Variants in PCDHB12 observed in about 807,000 individuals in gnomAD.
PCDHB12 encodes protocadherin beta-12.
For synonymous variants in PCDHB12, 560 were observed against 445.2 expected (o/e 1.26, Z -3.24); for missense variants, 1,192 against 998.2 (o/e 1.19, Z -2.62).
At position 141,210,609 on chromosome 5, in the gene PCDHB12, G is replaced by C; in HGVS notation, c.1702G>C (p.Gly568Arg). The C allele has an allele frequency of 1.2e-6, 2 of 1,611,100 alleles. No homozygotes were observed. Among genetic ancestry groups the C allele is most frequent in the Non-Finnish European group, 8.5e-7 (1 of 1,179,582 alleles). The change falls in exon 1 of 1, where the codon GGC becomes CGC. Residue 568 changes from glycine (G) to arginine (R), a missense_variant. Transcript: ENST00000239450. ...SPFVLYPLQNGSAPCTELVPW... is the reference protein window; with the variant it reads ...SPFVLYPLQNRSAPCTELVPW... ...CTTCGTGCTGTACCCGCTGCAGAAC[G>C]GCTCCGCGCCCTGCACCGAGCTGGT... is the stretch of plus-strand genomic sequence containing the variant.
rs1754397129 is a variant in PCDHB12 at position 141,209,919 on chromosome 5, A to T, written c.1012A>T (p.Met338Leu). 1 of 1,614,082 alleles carries T rather than the reference A, an allele frequency of 6.2e-7. No homozygotes were observed. Among genetic ancestry groups the T allele is most frequent in the Non-Finnish European group, 8.5e-7 (1 of 1,180,028 alleles). ...AAAATCTACAGTCAGAATTCAGGTG[A>T]TGGATGTAAACGACAACGCTCCTGA... Reference protein sequence around the residue: ...FGKSTVRIQVMDVNDNAPEIT... With the variant: ...FGKSTVRIQVLDVNDNAPEIT... The change falls in exon 1 of 1, where the codon ATG (methionine) becomes TTG (leucine). Residue 338 changes from methionine (M) to leucine (L), a missense_variant. Met to Leu is a conservative substitution (Grantham distance 15). Coordinates refer to ENST00000239450, the MANE Select transcript of PCDHB12 (RefSeq NM_018932.4).
rs1215294541 is a variant in PCDHB12 at position 141,209,418 on chromosome 5, A to T, written c.511A>T (p.Thr171Ser). ...AGGAATCAATGCTGTAAAAAGCTAC[A>T]CAATAAATCCGAACTCTCATTTCCA... ...DVGINAVKSY[T>S]INPNSHFHVK... The change falls in exon 1 of 1, where the codon ACA (threonine) becomes TCA (serine). Residue 171 changes from threonine to serine, a missense_variant. Transcript: ENST00000239450. The T allele has an allele frequency of 6.2e-7, 1 of 1,614,120 alleles. No homozygotes were observed. Among genetic ancestry groups the T allele is most frequent in the East Asian group, 2.2e-5 (1 of 44,894 alleles).
chr5:141,211,047 T>C lies in PCDHB12; in HGVS notation c.2140T>C (p.Cys714Arg), dbSNP rs138002304. 16 of 1,612,816 alleles carry C rather than the reference T, an allele frequency of 9.9e-6. No homozygotes were observed. The highest frequency in any genetic ancestry group is 1.3e-5 in the Non-Finnish European group (15 of 1,180,010). Residue 714 changes from cysteine (C) to arginine (R), a missense_variant, in exon 1 of 1, where the codon TGC (cysteine) becomes CGC (arginine). Transcript: ENST00000239450. ...GCTCCTGTTCGTGGCGGTGCGGCTG[T>C]GCAGGAGGAGCAGGGCGGCCCCGGT... The part of the protein sequence containing the change: ...SVLLFVAVRL[C>R]RRSRAAPVGR...
Position 141,211,276 on chromosome 5 carries a change from A to G in PCDHB12, c.2369A>G (p.Gln790Arg). The change falls in exon 1 of 1, where the codon CAG becomes CGG. Residue 790 changes from glutamine to arginine, a missense_variant. Physicochemically the swap from Gln to Arg is conservative, Grantham distance 43 (BLOSUM62 1). Coordinates refer to ENST00000239450, the MANE Select transcript of PCDHB12 (RefSeq NM_018932.4). ...GSEVEENPPFQNNLGF is the reference protein window; with the variant it reads ...GSEVEENPPFRNNLGF ...GAAGTCGAAGAAAATCCCCCATTTC[A>G]GAATAATTTGGGTTTCTGATAAAGA... 6.3e-7 allele frequency: 1 copy of G among 1,592,252 alleles called. No homozygotes were observed. Among genetic ancestry groups the G allele is most frequent in the Non-Finnish European group, 8.5e-7 (1 of 1,172,178 alleles).
At position 141,211,363 on chromosome 5, in the gene PCDHB12, T is replaced by C; in HGVS notation, c.*68T>C. 1 of 1,420,596 alleles carries C rather than the reference T, an allele frequency of 7.0e-7. No homozygotes were observed. Among genetic ancestry groups the C allele is most frequent in the Non-Finnish European group, 9.6e-7 (1 of 1,038,460 alleles). 88.0% of individuals were successfully genotyped at this position (1,420,596 alleles called of 1,614,324 possible). A position where few individuals can be genotyped will look rare whatever the true frequency, so the allele number is the denominator to read the frequency against. On this transcript the variant is annotated 3_prime_UTR_variant, in exon 1 of 1. Transcript: ENST00000239450. The stretch of plus-strand genomic sequence containing the variant: ...AATTAGGAACTTATCGTGAGGTGCC[T>C]GTAAAGTAGTATTTTTGATCACTTC...
At position 141,209,920 on chromosome 5, in the gene PCDHB12, T is replaced by C. The variant is rs1554286773; in HGVS notation, c.1013T>C (p.Met338Thr). Residue 338 changes from methionine to threonine, a missense_variant, in exon 1 of 1, where the codon ATG becomes ACG. By Grantham distance (81) the Met-to-Thr change is moderately conservative. Coordinates refer to ENST00000239450, the MANE Select transcript of PCDHB12 (RefSeq NM_018932.4). ...FGKSTVRIQV[M>T]DVNDNAPEIT... Reference sequence around the variant, plus strand: ...AAATCTACAGTCAGAATTCAGGTGATGGATGTAAACGACAACGCTCCTGAA... The same window carrying C: ...AAATCTACAGTCAGAATTCAGGTGACGGATGTAAACGACAACGCTCCTGAA... 1.2e-6 allele frequency: 2 copies of C among 1,614,194 alleles called. No individual in the cohort carries two copies. The highest frequency in any genetic ancestry group is 1.3e-5 in the African/African-American group (1 of 75,038).
In PCDHB12 at chr5:141,210,917, C is replaced by T. The variant is rs1554287073; in HGVS notation, c.2010C>T (p.Tyr670=). The change falls in exon 1 of 1, where the codon TAC becomes TAT. Residue 670 remains tyrosine, a synonymous_variant. Coordinates refer to ENST00000239450, the MANE Select transcript of PCDHB12 (RefSeq NM_018932.4). ...VLLVDGFSQP[Y]LPLPEAAPAQ... is the part of the protein sequence containing the mutation. Reference sequence around the variant, plus strand: ...TGGTGGACGGCTTCTCCCAGCCCTACCTGCCTCTCCCGGAGGCGGCCCCGG... The same window carrying T: ...TGGTGGACGGCTTCTCCCAGCCCTATCTGCCTCTCCCGGAGGCGGCCCCGG... The T allele has an allele frequency of 1.9e-6, 3 of 1,610,184 alleles. No individual in the cohort carries two copies. The highest frequency in any genetic ancestry group is 1.7e-5 in the Admixed American group (1 of 59,992).
Position 141,210,811 on chromosome 5 carries a change from C to A in PCDHB12, c.1904C>A (p.Ala635Glu), listed in dbSNP as rs1358649737. 2 of 1,599,906 alleles carry A rather than the reference C, an allele frequency of 1.3e-6. No homozygotes were observed. The highest frequency in any genetic ancestry group is 2.7e-5 in the African/African-American group (2 of 74,784). ...GCCAGGCTGCTGAGCGAGCGCGACGCGGCCAAGCACAGGCTGGTGGTGCTG... is the reference window on the plus strand; with the variant it reads ...GCCAGGCTGCTGAGCGAGCGCGACGAGGCCAAGCACAGGCTGGTGGTGCTG... Reference protein sequence around the residue: ...RTARLLSERDAAKHRLVVLVK... With the variant: ...RTARLLSERDEAKHRLVVLVK... Residue 635 changes from alanine (A) to glutamate (E), a missense_variant, in exon 1 of 1, where the codon GCG becomes GAG. Transcript: ENST00000239450.
chr5:141,209,762 A>C lies in PCDHB12; in HGVS notation c.855A>C (p.Ser285=). ...SELSYTFSHA[S]EDIRKTFEIN... ...TATCCTATACCTTTTCCCATGCCTC[A>C]GAAGATATTCGCAAGACATTTGAAA... The change falls in exon 1 of 1, where the codon TCA becomes TCC. Residue 285 remains serine (S), a synonymous_variant. Transcript: ENST00000239450. 6.2e-7 allele frequency: 1 copy of C among 1,614,232 alleles called. No individual in the cohort carries two copies. Among genetic ancestry groups the C allele is most frequent in the Non-Finnish European group, 8.5e-7 (1 of 1,180,042 alleles).
chr5:141,209,656 A>T lies in PCDHB12; in HGVS notation c.749A>T (p.Lys250Met). ...TTTGAGCAGGCTTTTTATGAGGTGA[A>T]GATTCTGGAGAATAGCATCCTTGGC... ...PEFEQAFYEV[K>M]ILENSILGSL... The change falls in exon 1 of 1, where the codon AAG becomes ATG. Residue 250 changes from lysine to methionine, a missense_variant. By Grantham distance (95) the Lys-to-Met change is moderately conservative. Coordinates refer to ENST00000239450, the MANE Select transcript of PCDHB12 (RefSeq NM_018932.4). The T allele has an allele frequency of 6.2e-7, 1 of 1,614,202 alleles. No homozygotes were observed. The highest frequency in any genetic ancestry group is 8.5e-7 in the Non-Finnish European group (1 of 1,180,042).
chr5:141,209,363 C>T lies in PCDHB12; in HGVS notation c.456C>T (p.Phe152=), dbSNP rs782557088. The change falls in exon 1 of 1, where the codon TTC becomes TTT. Residue 152 remains phenylalanine, a synonymous_variant. Coordinates refer to ENST00000239450, the MANE Select transcript of PCDHB12 (RefSeq NM_018932.4). ...AGAACAGTCCTGTTGGTGCTGTGTTCTTGCTTGAAAGTGCAAAGGATTTAG... is the reference window on the plus strand; with the variant it reads ...AGAACAGTCCTGTTGGTGCTGTGTTTTTGCTTGAAAGTGCAAAGGATTTAG... ...IPENSPVGAV[F]LLESAKDLDV... is the part of the protein sequence containing the mutation. 1 of 1,614,182 alleles carries T rather than the reference C, an allele frequency of 6.2e-7. No individual in the cohort carries two copies. Among genetic ancestry groups the T allele is most frequent in the Non-Finnish European group, 8.5e-7 (1 of 1,180,028 alleles).
At position 141,210,495 on chromosome 5, in the gene PCDHB12, C is replaced by T. The variant is rs1297969778; in HGVS notation, c.1588C>T (p.Arg530Cys). 3.7e-6 allele frequency: 6 copies of T among 1,612,518 alleles called. No homozygotes were observed. The highest frequency in any genetic ancestry group is 4.2e-6 in the Non-Finnish European group (5 of 1,179,840). ...DYEALQGFQF[R>C]VGATDHGSPA... The stretch of plus-strand genomic sequence containing the variant: ...CGAGGCCCTGCAGGGGTTCCAGTTC[C>T]GCGTGGGCGCCACAGACCACGGCTC... Residue 530 changes from arginine to cysteine, a missense_variant, in exon 1 of 1, where the codon CGC (arginine) becomes TGC (cysteine). Arg to Cys is a radical substitution (Grantham distance 180). Coordinates refer to ENST00000239450, the MANE Select transcript of PCDHB12 (RefSeq NM_018932.4).
rs1554286997 is a variant in PCDHB12, at chr5:141,210,625, C to T, written c.1718C>T (p.Thr573Ile). 1.9e-6 allele frequency: 3 copies of T among 1,611,364 alleles called. No homozygotes were observed. Among genetic ancestry groups the T allele is most frequent in the Non-Finnish European group, 1.7e-6 (2 of 1,179,742 alleles). The part of the protein sequence containing the change: ...YPLQNGSAPC[T>I]ELVPWAAEPG... ...CTGCAGAACGGCTCCGCGCCCTGCA[C>T]CGAGCTGGTGCCCTGGGCGGCCGAG... is the stretch of plus-strand genomic sequence containing the variant. Residue 573 changes from threonine (T) to isoleucine (I), a missense_variant, in exon 1 of 1, where the codon ACC becomes ATC. Physicochemically the swap from Thr to Ile is moderately conservative, Grantham distance 89. Coordinates refer to ENST00000239450, the MANE Select transcript of PCDHB12 (RefSeq NM_018932.4).
chr5:141,209,630 G>C lies in PCDHB12; in HGVS notation c.723G>C (p.Glu241Asp), dbSNP rs139752309. The part of the protein sequence containing the change: ...VVVDINDNSP[E>D]FEQAFYEVKI... ...TAGATATTAATGACAACTCCCCTGAGTTTGAGCAGGCTTTTTATGAGGTGA... is the reference window on the plus strand; with the variant it reads ...TAGATATTAATGACAACTCCCCTGACTTTGAGCAGGCTTTTTATGAGGTGA... Residue 241 changes from glutamate to aspartate, a missense_variant, in exon 1 of 1, where the codon GAG (glutamate) becomes GAC (aspartate). Transcript: ENST00000239450. 226 of 1,614,076 alleles carry C rather than the reference G, an allele frequency of 1.4e-4. No individual in the cohort carries two copies. The highest frequency in any genetic ancestry group is 1.7e-4 in the Non-Finnish European group (204 of 1,180,050).
Position 141,209,357 on chromosome 5 carries a change from T to C in PCDHB12, c.450T>C (p.Ala150=), listed in dbSNP as rs1754374945. 3 of 1,614,232 alleles carry C rather than the reference T, an allele frequency of 1.9e-6. No homozygotes were observed. Among genetic ancestry groups the C allele is most frequent in the South Asian group, 1.1e-5 (1 of 91,078 alleles). The change falls in exon 1 of 1, where the codon GCT becomes GCC. Residue 150 remains alanine (A), a synonymous_variant. Transcript: ENST00000239450. ...LEIPENSPVG[A]VFLLESAKDL... is the part of the protein sequence containing the mutation. Reference sequence around the variant, plus strand: ...TCCCAGAGAACAGTCCTGTTGGTGCTGTGTTCTTGCTTGAAAGTGCAAAGG... The same window carrying C: ...TCCCAGAGAACAGTCCTGTTGGTGCCGTGTTCTTGCTTGAAAGTGCAAAGG...
Position 141,212,315 on chromosome 5 carries a change from T to G in PCDHB12, c.*1020T>G, listed in dbSNP as rs1363668175. The G allele has an allele frequency of 6.4e-6, 1 of 157,216 alleles. No individual in the cohort carries two copies. The highest frequency in any genetic ancestry group is 1.9e-4 in the East Asian group (1 of 5,202). 9.7% of individuals were successfully genotyped at this position (157,216 alleles called of 1,614,324 possible). On this transcript the variant is annotated 3_prime_UTR_variant, in exon 1 of 1. Coordinates refer to ENST00000239450, the MANE Select transcript of PCDHB12 (RefSeq NM_018932.4). ...ATTTTCCTGATTTGAGAGTTTGTTT[T>G]TAGCAGTTTTTCTTACCTATACTGC...
chr5:141,209,856 A>G lies in PCDHB12; in HGVS notation c.949A>G (p.Ile317Val), dbSNP rs370580961. The G allele has an allele frequency of 6.2e-7, 1 of 1,614,256 alleles. No individual in the cohort carries two copies. Among genetic ancestry groups the G allele is most frequent in the Non-Finnish European group, 8.5e-7 (1 of 1,180,052 alleles). ...LDFEAIESYS[I>V]IIQATDGGGL... The stretch of plus-strand genomic sequence containing the variant: ...TTTTGAAGCAATTGAGTCATACTCA[A>G]TAATCATTCAAGCCACAGATGGGGG... Residue 317 changes from isoleucine to valine, a missense_variant, in exon 1 of 1, where the codon ATA (isoleucine) becomes GTA (valine). Physicochemically the swap from Ile to Val is conservative, Grantham distance 29. Coordinates refer to ENST00000239450, the MANE Select transcript of PCDHB12 (RefSeq NM_018932.4).
At position 141,212,511 on chromosome 5, in the gene PCDHB12, T is replaced by C. The variant is rs186920496; in HGVS notation, c.*1216T>C. The C allele has an allele frequency of 1.3e-5, 2 of 152,312 alleles. No individual in the cohort carries two copies. The highest frequency in any genetic ancestry group is 3.9e-4 in the East Asian group (2 of 5,194). 9.4% of individuals were successfully genotyped at this position (152,312 alleles called of 1,614,324 possible). On this transcript the variant is annotated 3_prime_UTR_variant, in exon 1 of 1. Coordinates refer to ENST00000239450, the MANE Select transcript of PCDHB12 (RefSeq NM_018932.4). ...TTTAAAATAGGTAATTTTTGCATAG[T>C]TGTGTTCTAAATATATTATAAACTA...
rs546030627 is a variant in PCDHB12, at chr5:141,210,977, G to A, written c.2070G>A (p.Leu690=). ...QAQADSLTVY[L]VVALASVSSL... is the part of the protein sequence containing the mutation. ...AGGCCGACTCGCTCACTGTCTACCT[G>A]GTGGTGGCGTTGGCCTCAGTGTCGT... The change falls in exon 1 of 1, where the codon CTG becomes CTA. Residue 690 remains leucine, a synonymous_variant. Coordinates refer to ENST00000239450, the MANE Select transcript of PCDHB12 (RefSeq NM_018932.4). 3 of 1,611,964 alleles carry A rather than the reference G, an allele frequency of 1.9e-6. No individual in the cohort carries two copies. Among genetic ancestry groups the A allele is most frequent in the Admixed American group, 3.3e-5 (2 of 60,024 alleles).
Sources: gnomAD v4.1 joint callset for allele counts on GRCh38, gnomAD v4.1.1 for gene constraint, MANE v1.5 for transcripts, NCBI Gene and HGNC (gene_info 2026-07-23, HGNC 2026-07-21) for gene names.